KCNMA1: variants seen among roughly 807,000 people sequenced by gnomAD.
KCNMA1 encodes potassium calcium-activated channel subfamily M alpha 1, also known as Calcium-activated potassium channel subunit alpha-1.
A neutral mutation model predicts 140.0 loss-of-function variants in KCNMA1; 29 were observed. The ratio of observed to expected loss-of-function variants is 0.21; its 90% CI spans 0.15 to 0.28. KCNMA1 has a LOEUF of 0.28. Among genes scored for constraint, KCNMA1 ranks in the 10% least tolerant of loss-of-function variants. KCNMA1 has a pLI of 1.00. For missense variants in KCNMA1, 880 were observed against 1,602.2 expected, an observed-to-expected ratio of 0.55 and a Z score of 7.70; for synonymous variants, 612 against 611.9, an observed-to-expected ratio of 1.00 and a Z score of 0.00.
chr10:77,561,932 T>C lies in KCNMA1; in HGVS notation c.378+75333A>G, dbSNP rs150470136. 2.0e-3 allele frequency among the ~76,000 whole-genome samples: 310 copies of C among 152,318 alleles called. 1 individual carries two copies. The highest frequency in any genetic ancestry group is 7.1e-3 in the African/African-American group (294 of 41,574). The stretch of plus-strand genomic sequence containing the variant: ...TAGTCGAAACTGAATTTTTGCATGT[T>C]TCGGGGCTGGAAAGAACTCTTGAGC... On this transcript the variant is annotated intron_variant, in intron 1 of 27. Coordinates refer to ENST00000286628, the MANE Select transcript of KCNMA1 (RefSeq NM_001161352.2).
intron 19 of KCNMA1, among the ~76,000 whole-genome samples, chr10:76,981,752 CT>C (rs996290327): frequency 2.2e-4 from 33 of 152,326 alleles, no homozygotes; most frequent in African/African-American, 7.5e-4. Context: ...AAAAAATCCC[CT>C]GGCACTTCTG....
At position 77,356,776 on chromosome 10, in the gene KCNMA1, G is replaced by A. The variant is rs561890456; in HGVS notation, c.540+47086C>T. Among the ~76,000 whole-genome samples the A allele has an allele frequency of 5.8e-4, 88 of 152,140 alleles. 1 individual carries two copies. Among genetic ancestry groups the A allele is most frequent in the Admixed American group, 5.1e-3 (78 of 15,294 alleles). Reference sequence around the variant, plus strand: ...CTCAATCCCTCTGTTTTAAGAATGCGCCCACCTCCACCTTCCATCTCCAGG... The same window carrying A: ...CTCAATCCCTCTGTTTTAAGAATGCACCCACCTCCACCTTCCATCTCCAGG... On this transcript the variant is annotated intron_variant, in intron 2 of 27. Coordinates refer to ENST00000286628, the MANE Select transcript of KCNMA1 (RefSeq NM_001161352.2).
intron 1 of KCNMA1, among the ~76,000 whole-genome samples, chr10:77,435,916 A>C (rs887113774): frequency 6.6e-6 from 1 of 152,194 alleles, no homozygotes; most frequent in African/African-American, 2.4e-5. Context: ...TGGATGAACC[A>C]TGGGACCCAG....
intron 5 of KCNMA1, among the ~76,000 whole-genome samples, chr10:77,151,818 A>T (rs1296816156): frequency 6.6e-6 from 1 of 152,222 alleles, no homozygotes; most frequent in African/African-American, 2.4e-5. Flanking sequence ...ATTAAGAGAG[A>T]TGTTACACTG....
rs11001935 is a variant in KCNMA1, at chr10:76,923,424, G to A, written c.2903-8375C>T. 0.032 allele frequency among the ~76,000 whole-genome samples: 4,586 copies of A among 143,574 alleles called. 903 individuals carry two copies. The East Asian group carries it at 0.6, about 19-fold the overall frequency. 94.2% of individuals were successfully genotyped at this position (143,574 alleles called of 152,430 possible). A position where few individuals can be genotyped will look rare whatever the true frequency, so the allele number is the denominator to read the frequency against. On this transcript the variant is annotated intron_variant, in intron 23 of 27. Transcript: ENST00000286628. ...AGCCTGGGCAACAAAGCGAGACTCC[G>A]TCTCAAAAAAAAAAAAAAAAAGAAA...
chr10:77,224,354 G>C (rs2050637073), intron 3 of KCNMA1, among the ~76,000 whole-genome samples: 1 of 152,214 alleles, frequency 6.6e-6, no homozygotes, highest in Non-Finnish European at 1.5e-5. Context: ...TGAGGATGGA[G>C]CTGAGCACGT....
chr10:77,191,559 T>A (rs2098938674), intron 3 of KCNMA1, among the ~76,000 whole-genome samples: 1 of 152,188 alleles, frequency 6.6e-6, no homozygotes, highest in Non-Finnish European at 1.5e-5. Context: ...GTGTGTTCAA[T>A]AAGTTGTGTA....
At chr10:77,412,530 A>C (rs2096642114) in intron 1 of KCNMA1, among the ~76,000 whole-genome samples, 1 of 152,186 alleles carries the variant, frequency 6.6e-6, no homozygotes, top group Admixed American at 6.5e-5. Context: ...AGCCAGGCAC[A>C]GGCTGTGTGC....
intron 5 of KCNMA1, among the ~76,000 whole-genome samples, chr10:77,125,250 C>T (rs1007844526): frequency 6.6e-6 from 1 of 152,182 alleles, no homozygotes; most frequent in African/African-American, 2.4e-5. Context: ...CAATGCCACC[C>T]ATTCCACACA....
At chr10:77,317,206 G>T (rs139301429) in intron 2 of KCNMA1, among the ~76,000 whole-genome samples, 135 of 152,266 alleles carry the variant, frequency 8.9e-4, no homozygotes, top group Middle Eastern at 3.4e-3. Context: ...GCCTTGAAGG[G>T]TCTTTCCACT....
At chr10:77,262,160 A>C (rs944038801) in intron 2 of KCNMA1, among the ~76,000 whole-genome samples, 2 of 152,228 alleles carry the variant, frequency 1.3e-5, no homozygotes, top group African/African-American at 4.8e-5. Flanking sequence ...AGCAACCCAA[A>C]GTGTCCATGG....
At chr10:77,025,570 G>C in intron 16 of KCNMA1, 1 of 841,438 alleles carries the variant, frequency 1.2e-6, no homozygotes. Flanking sequence ...AAGGATGCAT[G>C]TGAAAACAAG....
At chr10:76,981,376 C>T (rs1178891289) in intron 19 of KCNMA1, among the ~76,000 whole-genome samples, 1 of 152,152 alleles carries the variant, frequency 6.6e-6, no homozygotes, top group Non-Finnish European at 1.5e-5. Flanking sequence ...TTTAAACGGA[C>T]CTCAATTGGA....
At chr10:76,873,582 TACC>T (rs2031788197), downstream of KCNMA1, 3 of 152,344 alleles carry the variant, frequency 2.0e-5, no homozygotes, top group South Asian at 6.2e-4. Context: ...CTGGTGGCTT[TACC>T]ACCATTCCAA....
intron 3 of KCNMA1, among the ~76,000 whole-genome samples, chr10:77,197,297 C>T (rs2040820360): frequency 6.6e-6 from 1 of 152,172 alleles, no homozygotes; most frequent in Admixed American, 6.6e-5. Flanking sequence ...AATCAGGTAA[C>T]ATTATTCAGA....
Position 77,086,599 on chromosome 10 carries a change from C to G in KCNMA1, c.1335-6G>C. 6.9e-6 allele frequency: 11 copies of G among 1,599,990 alleles called. No homozygotes were observed. Among genetic ancestry groups the G allele is most frequent in the Non-Finnish European group, 9.4e-6 (11 of 1,167,178 alleles). On this transcript the variant is annotated splice_region_variant and splice_polypyrimidine_tract_variant and intron_variant, in intron 10 of 27. Coordinates refer to ENST00000286628, the MANE Select transcript of KCNMA1 (RefSeq NM_001161352.2). ...GCTCCAGGTTGGGGGAGATGCTACA[C>G]AGGGAGAGAAGAAATCGCTATTAAT...
At chr10:77,446,832 T>C (rs1341572622) in intron 1 of KCNMA1, among the ~76,000 whole-genome samples, 1 of 152,198 alleles carries the variant, frequency 6.6e-6, no homozygotes, top group Non-Finnish European at 1.5e-5. Flanking sequence ...ACTGCAATGT[T>C]TTCCATATTG....
At chr10:77,460,924 G>A (rs972854773) in intron 1 of KCNMA1, among the ~76,000 whole-genome samples, 4 of 152,184 alleles carry the variant, frequency 2.6e-5, no homozygotes, top group South Asian at 4.2e-4. Flanking sequence ...TTGCCAACAC[G>A]GTGAAACCCC....
intron 1 of KCNMA1, among the ~76,000 whole-genome samples, chr10:77,454,653 C>T (rs578249327): frequency 6.6e-5 from 10 of 152,332 alleles, no homozygotes; most frequent in Middle Eastern, 3.4e-3. Context: ...TCACGATACA[C>T]GAACATGCTC....
Sources: gnomAD v4.1 joint callset for allele counts (sites outside exome capture counted in the v4.1 genomes callset) on GRCh38, gnomAD v4.1.1 for gene constraint, MANE v1.5 for transcripts, NCBI Gene and HGNC (gene_info 2026-07-23, HGNC 2026-07-21) for gene names.